ANKRD33B: variants seen among roughly 807,000 people sequenced by gnomAD.
ANKRD33B encodes ankyrin repeat domain 33B.
A neutral mutation model predicts 21.5 loss-of-function variants in ANKRD33B; 6 were observed. The ratio of observed to expected loss-of-function variants is 0.28; its 90% confidence interval spans 0.15 to 0.55. ANKRD33B has a LOEUF of 0.55. Among genes scored for constraint, ANKRD33B ranks in the 20% least tolerant of loss-of-function variants. The pLI, the probability that ANKRD33B is intolerant of heterozygous loss-of-function variation, is 0.94. For synonymous variants in ANKRD33B, 347 were observed against 342.4 expected (o/e 1.01, Z -0.15); for missense variants, 698 against 747.2 (o/e 0.93, Z 0.77).
intron 1 of ANKRD33B, among the ~76,000 whole-genome samples, chr5:10,613,510 T>A (rs1205547130): frequency 6.6e-6 from 1 of 151,462 alleles, no homozygotes; most frequent in African/African-American, 2.4e-5. Flanking sequence ...CAGGAGAGGA[T>A]GTTATTAATG....
rs1010566957 is a variant in ANKRD33B at position 10,618,347 on chromosome 5, C to T, written c.381C>T (p.Val127=). Residue 127 remains valine (V), a synonymous_variant, in exon 2 of 4, where the codon GTC becomes GTT. Coordinates refer to ENST00000296657, the MANE Select transcript of ANKRD33B (RefSeq NM_001164440.2). ...TTCATTTCTAGACCGGCCTTATTGT[C>T]GCCTGCTACCACGGCTTTGTGGATA... ...TDRNGRTGLI[V]ACYHGFVDTV... 19 of 1,537,474 alleles carry T rather than the reference C, an allele frequency of 1.2e-5. No individual in the cohort carries two copies. Among genetic ancestry groups the T allele is most frequent in the East Asian group, 4.9e-5 (2 of 41,064 alleles).
chr5:10,616,753 C>T (rs534530856), intron 1 of ANKRD33B, among the ~76,000 whole-genome samples: 21 of 148,694 alleles, frequency 1.4e-4, no homozygotes, highest in African/African-American at 5.0e-4. Context: ...GTCTGTGAGG[C>T]GGTGAGCCTC....
chr5:10,620,982 A>G (rs1223629268), intron 2 of ANKRD33B, among the ~76,000 whole-genome samples: 1 of 152,224 alleles, frequency 6.6e-6, no homozygotes, highest in Non-Finnish European at 1.5e-5. Flanking sequence ...TCTATAAAGA[A>G]GAGCTTTCCT....
chr5:10,643,231 C>T (rs1195874203), intron 3 of ANKRD33B, among the ~76,000 whole-genome samples: 1 of 152,076 alleles, frequency 6.6e-6, no homozygotes, highest in African/African-American at 2.4e-5. Flanking sequence ...GCACTACTAA[C>T]ATGCAGAGCC....
rs1696622254 is a variant in ANKRD33B, at chr5:10,619,060, C to T, written c.496+598C>T. ...ATATTGCCAAGTGCATTGCGACTCT[C>T]CTGCTTTGGAACTGTATCCAGACAT... is the stretch of plus-strand genomic sequence containing the variant. On this transcript the variant is annotated intron_variant, in intron 2 of 3. Coordinates refer to ENST00000296657, the MANE Select transcript of ANKRD33B (RefSeq NM_001164440.2). This position sits in a 1 kb window ranked among gnomAD's most constrained non-coding sequence, Gnocchi z 4.5. Among the ~76,000 whole-genome samples, 2 of 152,180 alleles carry T rather than the reference C, an allele frequency of 1.3e-5. No homozygotes were observed. The highest frequency in any genetic ancestry group is 2.4e-5 in the African/African-American group (1 of 41,436).
rs149416640 is a variant in ANKRD33B, at chr5:10,581,036, G to A, written c.366+16203G>A. ...CGTCCTGCCTCCAGCCTTGGGGTGGGCTGGTTCTGCCCTTGCCAGCCCAGG... is the reference window on the plus strand; with the variant it reads ...CGTCCTGCCTCCAGCCTTGGGGTGGACTGGTTCTGCCCTTGCCAGCCCAGG... On this transcript the variant is annotated intron_variant, in intron 1 of 3. Transcript: ENST00000296657. 4.8e-3 allele frequency among the ~76,000 whole-genome samples: 728 copies of A among 152,288 alleles called. 4 individuals are homozygous for A. The highest frequency in any genetic ancestry group is 9.7e-3 in the Admixed American group (148 of 15,296).
At chr5:10,597,825 TAACA>T (rs1238531445) in intron 1 of ANKRD33B, among the ~76,000 whole-genome samples, 6 of 152,226 alleles carry the variant, frequency 3.9e-5, no homozygotes, top group African/African-American at 7.2e-5. Context: ...ACTGAAATCA[TAACA>T]AACAGTCTCT....
intron 1 of ANKRD33B, among the ~76,000 whole-genome samples, chr5:10,615,344 A>G (rs1397976197): frequency 6.6e-6 from 1 of 152,238 alleles, no homozygotes; most frequent in Admixed American, 6.5e-5. Flanking sequence ...ATGTCTCCTG[A>G]GAAAACGAGA....
intron 1 of ANKRD33B, among the ~76,000 whole-genome samples, chr5:10,570,903 C>CTTTTTTTTT (rs11301499): frequency 7.9e-6 from 1 of 126,844 alleles, no homozygotes; most frequent in African/African-American, 3.0e-5. Flanking sequence ...CTCAAATAAC[C>CTTTTTTTTT]TTTTTTTTTT....
In ANKRD33B at chr5:10,656,211, G is replaced by C. The variant is rs1488125844; in HGVS notation, c.*6098G>C. 1 of 152,294 alleles carries C rather than the reference G, an allele frequency of 6.6e-6. No homozygotes were observed. The highest frequency in any genetic ancestry group is 1.5e-5 in the Non-Finnish European group (1 of 68,024). 9.4% of individuals were successfully genotyped at this position (152,294 alleles called of 1,614,324 possible). ...AAGTGGCTAAAAAAACTCCTCTGGAGGTTGTTTTTGAAAGAGACAGGAAAA... is the reference window on the plus strand; with the variant it reads ...AAGTGGCTAAAAAAACTCCTCTGGACGTTGTTTTTGAAAGAGACAGGAAAA... On this transcript the variant is annotated 3_prime_UTR_variant, in exon 4 of 4. Coordinates refer to ENST00000296657, the MANE Select transcript of ANKRD33B (RefSeq NM_001164440.2).
chr5:10,639,132 C>G (rs1177842012), intron 3 of ANKRD33B, among the ~76,000 whole-genome samples: 95 of 50,808 alleles, frequency 1.9e-3, no homozygotes, highest in African/African-American at 5.8e-3. Flanking sequence ...GCGATGTTAG[C>G]GGGTGACGCG....
intron 1 of ANKRD33B, among the ~76,000 whole-genome samples, chr5:10,582,883 T>C (rs944241993): frequency 6.6e-6 from 1 of 152,226 alleles, no homozygotes; most frequent in African/African-American, 2.4e-5. Flanking sequence ...GGATATTTTC[T>C]CTTGAAGCTT....
At chr5:10,582,704 A>G (rs370849885) in intron 1 of ANKRD33B, among the ~76,000 whole-genome samples, 8 of 152,088 alleles carry the variant, frequency 5.3e-5, no homozygotes, top group African/African-American at 1.7e-4. Context: ...CTTGTTCCCC[A>G]TGGACCACAC....
chr5:10,594,624 C>T lies in ANKRD33B; in HGVS notation c.367-23709C>T, dbSNP rs374920631. ...AGGCCCCTGGGAGCCACATGGGGTT[C>T]ACGACCTCAAAACTGAAGCCCTCAG... On this transcript the variant is annotated intron_variant, in intron 1 of 3. Transcript: ENST00000296657. Among the ~76,000 whole-genome samples the T allele has an allele frequency of 6.6e-5, 10 of 152,280 alleles. No individual in the cohort carries two copies. In the South Asian group the frequency reaches 1.7e-3, roughly 25 times the overall value.
chr5:10,573,162 ACAT>A (rs776940041), intron 1 of ANKRD33B, among the ~76,000 whole-genome samples: 5 of 152,150 alleles, frequency 3.3e-5, no homozygotes, highest in East Asian at 3.9e-4. Context: ...AAATTCAGGG[ACAT>A]CATTTAAAAA....
rs1560994862 is a variant in ANKRD33B at position 10,657,666 on chromosome 5, T to C, written c.*7553T>C. ...AAAAGTTAATAATCTTTAAGCTAAATATAATGTGATATGATTCAGAAAAAA... is the reference window on the plus strand; with the variant it reads ...AAAAGTTAATAATCTTTAAGCTAAACATAATGTGATATGATTCAGAAAAAA... On this transcript the variant is annotated 3_prime_UTR_variant, in exon 4 of 4. Coordinates refer to ENST00000296657, the MANE Select transcript of ANKRD33B (RefSeq NM_001164440.2). 6.6e-6 allele frequency: 1 copy of C among 152,356 alleles called. No homozygotes were observed. The highest frequency in any genetic ancestry group is 1.5e-5 in the Non-Finnish European group (1 of 68,038). The allele number at this position is 152,356 out of a possible 1,614,324, so 9.4% of individuals were successfully genotyped here. A position where few individuals can be genotyped will look rare whatever the true frequency, so the allele number is the denominator to read the frequency against.
At chr5:10,569,844 A>T (rs1169444117) in intron 1 of ANKRD33B, among the ~76,000 whole-genome samples, 1 of 152,076 alleles carries the variant, frequency 6.6e-6, no homozygotes, top group East Asian at 1.9e-4. Flanking sequence ...GTCTAGCAGC[A>T]GTAGAGAGGC....
At chr5:10,587,767 G>C (rs1169704925) in intron 1 of ANKRD33B, among the ~76,000 whole-genome samples, 1 of 152,020 alleles carries the variant, frequency 6.6e-6, no homozygotes, top group African/African-American at 2.4e-5. Flanking sequence ...TTATTCACTT[G>C]TAGGGGTATT....
Position 10,621,363 on chromosome 5 carries a change from A to G in ANKRD33B, c.496+2901A>G, listed in dbSNP as rs189018004. Among the ~76,000 whole-genome samples, 5 of 152,294 alleles carry G rather than the reference A, an allele frequency of 3.3e-5. No individual in the cohort carries two copies. The East Asian group carries it at 9.6e-4, about 29-fold the overall frequency. Reference sequence around the variant, plus strand: ...TCTAGGCATTTCAGTGAGCAGAGTTAGAAAAAAAAATATTTAAAAAATAAG... The same window carrying G: ...TCTAGGCATTTCAGTGAGCAGAGTTGGAAAAAAAAATATTTAAAAAATAAG... On this transcript the variant is annotated intron_variant, in intron 2 of 3. Transcript: ENST00000296657.
Sources: allele counts gnomAD v4.1 joint callset (sites outside exome capture counted in the v4.1 genomes callset), GRCh38; gene constraint gnomAD v4.1.1; non-coding constraint Gnocchi (gnomAD v3.1); transcripts MANE v1.5; gene names NCBI Gene and HGNC (gene_info 2026-07-23, HGNC 2026-07-21).